PRR5: variants seen among roughly 807,000 people sequenced by gnomAD.
The protein encoded by PRR5 is proline rich 5, also known as proline-rich protein 5.
A neutral mutation model predicts 30.6 loss-of-function variants in PRR5; 25 were observed. The ratio of observed to expected loss-of-function variants is 0.82; its 90% CI spans 0.60 to 1.14. The LOEUF is 1.14. Ranked by LOEUF, PRR5 falls within the 50% of genes most tolerant of loss-of-function variation. The probability of loss-of-function intolerance (pLI) is 0.00; values close to 1 mark genes in which losing one functional copy is unlikely to be tolerated. For missense variants in PRR5, 600 were observed against 547.1 expected, an observed-to-expected ratio of 1.10 and a Z score of -0.96; for synonymous variants, 286 against 247.1, an observed-to-expected ratio of 1.16 and a Z score of -1.48.
intron 2 of PRR5, 45 bp downstream of exon 2, chr22:44,714,716 G>T (rs779321406): frequency 6.2e-7 from 1 of 1,609,534 alleles, no homozygotes; most frequent in Non-Finnish European, 8.5e-7. Context: ...GAGTGGCAGG[G>T]AGGGCTAGGC....
rs1159125962 is a variant in PRR5 at position 44,703,984 on chromosome 22, T to G, written c.134+1376T>G. 2.6e-5 allele frequency among the ~76,000 whole-genome samples: 4 copies of G among 152,212 alleles called. No individual in the cohort carries two copies. The East Asian group carries it at 7.7e-4, about 29-fold the overall frequency. ...TTTAGAGGAAAGAGTTAAATAGACTTATTTCAAATCCCAACTCTGCCTCTT... is the reference window on the plus strand; with the variant it reads ...TTTAGAGGAAAGAGTTAAATAGACTGATTTCAAATCCCAACTCTGCCTCTT... On this transcript the variant is annotated intron_variant, in intron 1 of 7. Transcript: ENST00000336985.
At chr22:44,695,289 A>C (rs1382541597) in intron 1 of PRR5, among the ~76,000 whole-genome samples, 1 of 152,234 alleles carries the variant, frequency 6.6e-6, no homozygotes, top group Non-Finnish European at 1.5e-5. Context: ...TGTTATGTTC[A>C]GGGACAAAGA....
intron 2 of PRR5, among the ~76,000 whole-genome samples, chr22:44,722,312 T>TAACATCACA (rs754760002): frequency 5.0e-4 from 76 of 152,346 alleles, no homozygotes; most frequent in Non-Finnish European, 5.7e-4. Flanking sequence ...TAACATCACC[T>TAACATCACA]GTCAGGTGGC....
chr22:44,727,006 G>A (rs1016989139), intron 4 of PRR5, among the ~76,000 whole-genome samples: 3 of 152,166 alleles, frequency 2.0e-5, no homozygotes, highest in Non-Finnish European at 2.9e-5. Flanking sequence ...TGAGGTCACC[G>A]ATACTCACAG....
In PRR5 at chr22:44,735,259, G is replaced by A. The variant is rs1372351915; in HGVS notation, c.691+97G>A. 4 of 1,406,234 alleles carry A rather than the reference G, an allele frequency of 2.8e-6. No individual in the cohort carries two copies. In the African/African-American group the frequency reaches 5.7e-5, roughly 20 times the overall value. The allele number at this position is 1,406,234 out of a possible 1,614,324, so 87.1% of individuals were successfully genotyped here. On this transcript the variant is annotated intron_variant, in intron 7 of 7. Transcript: ENST00000336985. ...AAGCCGAGGCCCCACGACAGAACCA[G>A]GATCTGACTCCAGACTGGTTCTCAG... is the stretch of plus-strand genomic sequence containing the variant.
In PRR5 at chr22:44,716,068, GT is replaced by G. The variant is rs762971116; in HGVS notation, c.215+1398del. Among the ~76,000 whole-genome samples, 27 of 152,312 alleles carry G rather than the reference GT, an allele frequency of 1.8e-4. No homozygotes were observed. The South Asian group carries it at 3.1e-3, about 18-fold the overall frequency. On this transcript the variant is annotated intron_variant, in intron 2 of 7. Coordinates refer to ENST00000336985, the MANE Select transcript of PRR5 (RefSeq NM_181333.4). ...GCCCTCCTTGGTGTGAACAGCATTGGTAATTGGCTGATTCTTGCTGCTGCCT... is the reference window on the plus strand; with the variant it reads ...GCCCTCCTTGGTGTGAACAGCATTGGAATTGGCTGATTCTTGCTGCTGCCT...
chr22:44,730,252 C>T (rs73889719), intron 4 of PRR5: 30,589 of 985,002 alleles, frequency 0.031, 496 homozygotes, highest in African/African-American at 0.036. Context: ...CAGTTCTGGC[C>T]GGGGGCGCAG....
chr22:44,702,723 G>C, intron 1 of PRR5, 115 bp downstream of exon 1: 1 of 1,214,952 alleles, frequency 8.2e-7, no homozygotes, highest in Non-Finnish European at 1.0e-6. Flanking sequence ...AGGCGGCGCG[G>C]CGCTTCACAG....
rs1929731578 is a variant in PRR5 at position 44,720,293 on chromosome 22, C to A, written c.216-4951C>A. ...CTTTGAAGTTTCCCACAATCCCGGA[C>A]TGGGCAGGCCCTCTCTTCGTGTTCT... On this transcript the variant is annotated intron_variant, in intron 2 of 7. Transcript: ENST00000336985. Among the ~76,000 whole-genome samples, 3 of 152,364 alleles carry A rather than the reference C, an allele frequency of 2.0e-5. No homozygotes were observed. In the South Asian group the frequency reaches 6.2e-4, roughly 32 times the overall value.
intron 1 of PRR5, among the ~76,000 whole-genome samples, chr22:44,690,206 C>G (rs1479091352): frequency 1.3e-5 from 2 of 152,050 alleles, no homozygotes; most frequent in Admixed American, 1.3e-4. Context: ...GACAGAGCCC[C>G]CAGGAGAGGA....
At chr22:44,710,877 C>G (rs1268733643) in intron 1 of PRR5, among the ~76,000 whole-genome samples, 1 of 152,168 alleles carries the variant, frequency 6.6e-6, no homozygotes, top group Non-Finnish European at 1.5e-5. Flanking sequence ...ACAGAAAAGG[C>G]CGCAGGGCAG....
intron 7 of PRR5, among the ~76,000 whole-genome samples, chr22:44,735,713 G>T (rs561914710): frequency 1.3e-5 from 2 of 152,132 alleles, no homozygotes; most frequent in African/African-American, 2.4e-5. Context: ...GGGGGAGGCC[G>T]ACCAGTGAGT....
intron 4 of PRR5, chr22:44,729,856 G>C: frequency 1.0e-6 from 1 of 985,454 alleles, no homozygotes; most frequent in Non-Finnish European, 1.2e-6. Flanking sequence ...CCGGTGCCCA[G>C]AGCCACCCCC....
chr22:44,702,410 G>T lies in PRR5; in HGVS notation c.-65G>T. 1 of 1,237,192 alleles carries T rather than the reference G, an allele frequency of 8.1e-7. No individual in the cohort carries two copies. The highest frequency in any genetic ancestry group is 1.0e-6 in the Non-Finnish European group (1 of 988,840). 76.6% of individuals were successfully genotyped at this position (1,237,192 alleles called of 1,614,324 possible). On this transcript the variant is annotated 5_prime_UTR_variant, in exon 1 of 8. Coordinates refer to ENST00000336985, the MANE Select transcript of PRR5 (RefSeq NM_181333.4). ...GCGCATCGCCGGCCCGGGGCCCTTG[G>T]TGCGGCGTGGCGCAGGGCGCGGCGT...
At chr22:44,688,843 C>G (rs910971265) in intron 1 of PRR5, among the ~76,000 whole-genome samples, 2 of 152,162 alleles carry the variant, frequency 1.3e-5, no homozygotes, top group East Asian at 1.9e-4. Flanking sequence ...CAAAAATTAG[C>G]CGGGCATGGT....
At position 44,725,306 on chromosome 22, in the gene PRR5, G is replaced by T; in HGVS notation, c.264+14G>T. 6.2e-7 allele frequency: 1 copy of T among 1,612,602 alleles called. No homozygotes were observed. The highest frequency in any genetic ancestry group is 8.5e-7 in the Non-Finnish European group (1 of 1,179,914). ...GAGTACCTGCAGGTAGGTGGGTCTT[G>T]CTCCAGCCAGGCTGGGCCTGCCTCA... On this transcript the variant is annotated intron_variant, in intron 3 of 7. Transcript: ENST00000336985.
intron 1 of PRR5, chr22:44,679,837 G>A (rs1168315578): frequency 1.3e-6 from 2 of 1,599,170 alleles, no homozygotes; most frequent in Non-Finnish European, 1.7e-6. Context: ...GAAGCCTGGG[G>A]CTCGGGAAGC....
intron 1 of PRR5, among the ~76,000 whole-genome samples, chr22:44,711,062 G>A (rs1479748044): frequency 1.3e-5 from 2 of 152,176 alleles, no homozygotes; most frequent in Admixed American, 1.3e-4. Context: ...AGGCAGGGGT[G>A]GGGAGTGTGG....
intron 1 of PRR5, among the ~76,000 whole-genome samples, chr22:44,685,528 A>T (rs901403436): frequency 1.3e-5 from 2 of 149,344 alleles, no homozygotes; most frequent in Non-Finnish European, 3.0e-5. Flanking sequence ...GCTTTCAGAG[A>T]AGCCAGTGAA....
Sources: allele counts gnomAD v4.1 joint callset (sites outside exome capture counted in the v4.1 genomes callset), GRCh38; gene constraint gnomAD v4.1.1; transcripts MANE v1.5; gene names NCBI Gene and HGNC (gene_info 2026-07-23, HGNC 2026-07-21).